Variants in EPB41L3 observed in about 807,000 individuals in gnomAD.
EPB41L3 encodes erythrocyte membrane protein band 4.1 like 3.
A neutral mutation model predicts 127.1 loss-of-function variants in EPB41L3; 57 were observed. That is an observed-to-expected ratio of 0.45 (90% CI 0.36 to 0.56). The LOEUF is 0.56. Among genes scored for constraint, EPB41L3 ranks in the 20% least tolerant of loss-of-function variants. The pLI is 0.00. For synonymous variants in EPB41L3, 572 were observed against 549.5 expected, an observed-to-expected ratio of 1.04 and a Z score of -0.57; for missense variants, 1,273 against 1,372.2, an observed-to-expected ratio of 0.93 and a Z score of 1.14.
chr18:5,477,867 C>A (rs1322222054), intron 3 of EPB41L3, among the ~76,000 whole-genome samples: 1 of 152,028 alleles, frequency 6.6e-6, no homozygotes, highest in Non-Finnish European at 1.5e-5. Context: ...AGTTTTCTAC[C>A]AAGTAACAAG....
intron 3 of EPB41L3, among the ~76,000 whole-genome samples, chr18:5,470,012 T>C (rs546623034): frequency 2.6e-5 from 4 of 152,074 alleles, no homozygotes; most frequent in Admixed American, 6.5e-5. Flanking sequence ...ACTCCTGACC[T>C]CGTGATCTAC....
chr18:5,483,815 AT>A (rs2089086883), intron 2 of EPB41L3, among the ~76,000 whole-genome samples: 2 of 151,940 alleles, frequency 1.3e-5, no homozygotes, highest in African/African-American at 2.4e-5. Context: ...GTTCCCAAGT[AT>A]ATAAAACATT....
At chr18:5,489,544 T>A (rs1026322205) in intron 1 of EPB41L3, among the ~76,000 whole-genome samples, 5 of 152,240 alleles carry the variant, frequency 3.3e-5, no homozygotes, top group Non-Finnish European at 4.4e-5. Context: ...CTGTATCACC[T>A]GCATATATAT....
upstream of EPB41L3, among the ~76,000 whole-genome samples, chr18:5,547,820 C>G (rs754789292): frequency 2.6e-5 from 4 of 152,148 alleles, no homozygotes; most frequent in Non-Finnish European, 5.9e-5. Flanking sequence ...ATAATTCCAA[C>G]CTGATAGCCA....
chr18:5,441,765 C>T (rs976189962), intron 5 of EPB41L3, among the ~76,000 whole-genome samples: 3 of 152,170 alleles, frequency 2.0e-5, no homozygotes, highest in Non-Finnish European at 2.9e-5. Flanking sequence ...CGCCCGGCCT[C>T]GAATTCCATT....
At chr18:5,546,585 A>C (rs1239462922), upstream of EPB41L3, among the ~76,000 whole-genome samples, 2 of 152,168 alleles carry the variant, frequency 1.3e-5, no homozygotes, top group Non-Finnish European at 2.9e-5. Context: ...ATATTCCACG[A>C]ATTGAAAATT....
At chr18:5,405,820 CAAA>C (rs138889624) in intron 16 of EPB41L3, among the ~76,000 whole-genome samples, 8,440 of 146,540 alleles carry the variant, frequency 0.058, 278 homozygotes, top group Non-Finnish European at 0.063. Flanking sequence ...AACTATGTCT[CAAA>C]AAAAAAAAAA....
chr18:5,505,536 C>A (rs1438755904), intron 1 of EPB41L3, among the ~76,000 whole-genome samples: 1 of 151,060 alleles, frequency 6.6e-6, no homozygotes, highest in Non-Finnish European at 1.5e-5. Context: ...TCACCTCCAC[C>A]CCTACCCTCC....
At chr18:5,432,358 T>C (rs1429179194) in intron 8 of EPB41L3, among the ~76,000 whole-genome samples, 1 of 152,156 alleles carries the variant, frequency 6.6e-6, no homozygotes, top group East Asian at 1.9e-4. Context: ...TAACTGCACA[T>C]TCTGTGAGTC....
At chr18:5,400,740 AG>A in intron 16 of EPB41L3, 2 of 557,482 alleles carry the variant, frequency 3.6e-6, no homozygotes, top group African/African-American at 1.9e-5. Context: ...CAACATACAG[AG>A]AAAAATCAGC....
intron 16 of EPB41L3, 29 bp downstream of exon 16, chr18:5,406,748 C>G (rs774227361): frequency 6.3e-7 from 1 of 1,592,936 alleles, no homozygotes; most frequent in Non-Finnish European, 8.6e-7. Context: ...AAACAGAATA[C>G]GAGTCTGACC....
intron 3 of EPB41L3, among the ~76,000 whole-genome samples, chr18:5,554,141 C>T (rs540158638): frequency 6.6e-6 from 1 of 152,216 alleles, no homozygotes; most frequent in East Asian, 1.9e-4. Flanking sequence ...GACGGGGCTA[C>T]CCCAGCACCT....
intron 2 of EPB41L3, among the ~76,000 whole-genome samples, chr18:5,483,184 G>A (rs974069246): frequency 2.0e-5 from 3 of 152,096 alleles, no homozygotes; most frequent in African/African-American, 7.2e-5. Context: ...GGGTGTGTGT[G>A]TATGTGCGTG....
intron 1 of EPB41L3, among the ~76,000 whole-genome samples, chr18:5,538,992 A>G (rs976611383): frequency 2.8e-5 from 4 of 141,166 alleles, no homozygotes; most frequent in Non-Finnish European, 4.5e-5. Context: ...AGCTTTCTCC[A>G]AGATTTTTTT....
intron 3 of EPB41L3, among the ~76,000 whole-genome samples, chr18:5,606,681 C>T (rs9965440): frequency 7.2e-4 from 109 of 152,070 alleles, no homozygotes; most frequent in African/African-American, 2.5e-3. Flanking sequence ...CTATCCTTGC[C>T]CTCCTTCTTA....
chr18:5,596,231 A>G (rs1354724652), intron 3 of EPB41L3, among the ~76,000 whole-genome samples: 1 of 152,216 alleles, frequency 6.6e-6, no homozygotes, highest in African/African-American at 2.4e-5. Context: ...ATCAGAGGGC[A>G]TGGCAGAACA....
At chr18:5,509,241 G>C (rs1008235147) in intron 1 of EPB41L3, among the ~76,000 whole-genome samples, 1 of 152,158 alleles carries the variant, frequency 6.6e-6, no homozygotes, top group African/African-American at 2.4e-5. Flanking sequence ...GAGGGCTCAG[G>C]ACCTCACCTG....
At chr18:5,429,299 A>C (rs1184549784) in intron 8 of EPB41L3, 1 of 152,168 alleles carries the variant, frequency 6.6e-6, no homozygotes, top group Non-Finnish European at 1.5e-5. Flanking sequence ...ATGTTTAGGT[A>C]ATTTCCTATG....
At chr18:5,499,313 G>A (rs1340757976) in intron 1 of EPB41L3, among the ~76,000 whole-genome samples, 3 of 152,088 alleles carry the variant, frequency 2.0e-5, no homozygotes, top group Non-Finnish European at 4.4e-5. Context: ...TTGGTATGCG[G>A]TACTACTCTT....
Sources: allele counts gnomAD v4.1 joint callset (sites outside exome capture counted in the v4.1 genomes callset), GRCh38; gene constraint gnomAD v4.1.1; transcripts MANE v1.5; gene names NCBI Gene and HGNC (gene_info 2026-07-23, HGNC 2026-07-21).